KCNMB2: variants seen among roughly 807,000 people sequenced by gnomAD.
The protein encoded by KCNMB2 is calcium-activated potassium channel subunit beta-2.
KCNMB2 carries 9 observed loss-of-function variants against 24.5 expected under a neutral mutation model. The observed-to-expected ratio is 0.37, with a 90% CI of 0.22 to 0.64. KCNMB2 has a LOEUF of 0.64. Ranked by LOEUF, KCNMB2 falls within the 30% of genes least tolerant of loss-of-function variation. KCNMB2 has a pLI of 0.63. For missense variants in KCNMB2, 226 were observed against 284.3 expected (o/e 0.79, Z 1.47); for synonymous variants, 109 against 104.4 (o/e 1.04, Z -0.27).
chr3:178,580,058 CA>C (rs1205417207), intron 1 of KCNMB2, among the ~76,000 whole-genome samples: 2 of 151,974 alleles, frequency 1.3e-5, no homozygotes, highest in African/African-American at 4.8e-5. Context: ...CTGGCAGACA[CA>C]AAACAAAAAA....
chr3:178,620,619 T>C (rs1284810910), intron 1 of KCNMB2, among the ~76,000 whole-genome samples: 1 of 152,186 alleles, frequency 6.6e-6, no homozygotes, highest in South Asian at 2.1e-4. Context: ...TAAGCACTCA[T>C]GACCTAACCA....
At chr3:178,779,435 C>T (rs34941668) in intron 1 of KCNMB2, among the ~76,000 whole-genome samples, 46,096 of 152,008 alleles carry the variant, frequency 0.3, 7,117 homozygotes, top group African/African-American at 0.32. Context: ...AGGTAAAAAT[C>T]AACAAGAACA....
rs115599216 is a variant in KCNMB2, at chr3:178,737,000, C to T, written c.-67-70343C>T. On this transcript the variant is annotated intron_variant, in intron 1 of 4. Coordinates refer to ENST00000452583, the MANE Select transcript of KCNMB2 (RefSeq NM_181361.3). ...CAATAGCATTATGGGCCAGACACAG[C>T]GGCTCATGCCTGTAATCCCAACACT... Among the ~76,000 whole-genome samples, 398 of 152,242 alleles carry T rather than the reference C, an allele frequency of 2.6e-3. 3 individuals carry two copies. Among genetic ancestry groups the T allele is most frequent in the African/African-American group, 9.2e-3 (381 of 41,528 alleles).
chr3:178,737,768 T>G (rs986627437), intron 1 of KCNMB2, among the ~76,000 whole-genome samples: 1 of 152,226 alleles, frequency 6.6e-6, no homozygotes, highest in Non-Finnish European at 1.5e-5. Context: ...AAATGTAAGT[T>G]GAGGGTAATA....
chr3:178,702,390 C>T lies in KCNMB2; in HGVS notation c.-67-104953C>T, dbSNP rs28438056. Reference sequence around the variant, plus strand: ...GGCACATGTATACATATGTAACAAACCTGCATTTTGTGCACATGTACCCTA... The same window carrying T: ...GGCACATGTATACATATGTAACAAATCTGCATTTTGTGCACATGTACCCTA... On this transcript the variant is annotated intron_variant, in intron 1 of 4. Coordinates refer to ENST00000452583, the MANE Select transcript of KCNMB2 (RefSeq NM_181361.3). 6.9e-3 allele frequency among the ~76,000 whole-genome samples: 1,038 copies of T among 151,066 alleles called. 12 individuals are homozygous for T. Among genetic ancestry groups the T allele is most frequent in the African/African-American group, 0.024 (974 of 41,190 alleles).
intron 1 of KCNMB2, among the ~76,000 whole-genome samples, chr3:178,553,228 C>G (rs902537772): frequency 1.1e-4 from 16 of 152,160 alleles, no homozygotes; most frequent in African/African-American, 3.6e-4. Flanking sequence ...AGGAAGGAAA[C>G]AGATTTCCCT....
At chr3:178,555,387 T>G (rs561133346) in intron 1 of KCNMB2, among the ~76,000 whole-genome samples, 1 of 152,348 alleles carries the variant, frequency 6.6e-6, no homozygotes, top group Non-Finnish European at 1.5e-5. Flanking sequence ...CCTTGTCCTC[T>G]CATTACTAGC....
intron 1 of KCNMB2, among the ~76,000 whole-genome samples, chr3:178,561,374 C>A (rs1427362084): frequency 6.6e-6 from 1 of 152,096 alleles, no homozygotes; most frequent in Non-Finnish European, 1.5e-5. Flanking sequence ...GAGAAATAGG[C>A]CATTTTGTTT....
chr3:178,537,826 G>A (rs1715460282), intron 1 of KCNMB2, among the ~76,000 whole-genome samples: 1 of 152,174 alleles, frequency 6.6e-6, no homozygotes, highest in Non-Finnish European at 1.5e-5. Flanking sequence ...GAGCTGTAAA[G>A]ATGTTGCTTT....
Position 178,807,533 on chromosome 3 carries a change from C to T in KCNMB2, c.56+68C>T. 2.2e-6 allele frequency: 3 copies of T among 1,349,562 alleles called. No homozygotes were observed. In the East Asian group the frequency reaches 6.9e-5, roughly 31 times the overall value. 83.6% of individuals were successfully genotyped at this position (1,349,562 alleles called of 1,614,324 possible). A position where few individuals can be genotyped will look rare whatever the true frequency, so the allele number is the denominator to read the frequency against. ...CCTGACTCTCCAAAGAGGATACTGA[C>T]AGGAAAGTAGTAGGCAACTGAGCCT... On this transcript the variant is annotated intron_variant, in intron 2 of 4. Transcript: ENST00000452583.
At chr3:178,553,559 T>C (rs1196942179) in intron 1 of KCNMB2, among the ~76,000 whole-genome samples, 1 of 149,692 alleles carries the variant, frequency 6.7e-6, no homozygotes, top group African/African-American at 2.5e-5. Flanking sequence ...TTTTTGACAG[T>C]CTCCCTCTGT....
chr3:178,539,877 C>A (rs1715559913), intron 1 of KCNMB2, among the ~76,000 whole-genome samples: 1 of 152,088 alleles, frequency 6.6e-6, no homozygotes, highest in Admixed American at 6.6e-5. Context: ...CATGGATCAA[C>A]TATAAATTTC....
At chr3:178,561,814 GA>G (rs1315140435) in intron 1 of KCNMB2, among the ~76,000 whole-genome samples, 1 of 152,098 alleles carries the variant, frequency 6.6e-6, no homozygotes, top group Non-Finnish European at 1.5e-5. Flanking sequence ...ATAAGACTAA[GA>G]AAAGGAAAAA....
chr3:178,724,383 C>T (rs1036128935), intron 1 of KCNMB2, among the ~76,000 whole-genome samples: 2 of 151,928 alleles, frequency 1.3e-5, no homozygotes, highest in Non-Finnish European at 1.5e-5. Context: ...GTTTAAATTC[C>T]TTATAGAATC....
intron 2 of KCNMB2, among the ~76,000 whole-genome samples, chr3:178,811,179 T>C (rs753226201): frequency 1.1e-4 from 17 of 152,210 alleles, no homozygotes; most frequent in Admixed American, 9.8e-4. Flanking sequence ...TTTTTAAATA[T>C]TGAAGTGATA....
At chr3:178,831,664 C>T (rs1715062406) in intron 4 of KCNMB2, among the ~76,000 whole-genome samples, 1 of 152,040 alleles carries the variant, frequency 6.6e-6, no homozygotes, top group Non-Finnish European at 1.5e-5. Context: ...AACCAAATAC[C>T]ACATATTCTC....
chr3:178,758,433 T>G (rs1352424217), intron 1 of KCNMB2, among the ~76,000 whole-genome samples: 1 of 78,530 alleles, frequency 1.3e-5, no homozygotes, highest in South Asian at 4.4e-4. Flanking sequence ...AGGGGATATA[T>G]ATATATATAC....
intron 1 of KCNMB2, among the ~76,000 whole-genome samples, chr3:178,769,204 T>C (rs1394512955): frequency 6.6e-6 from 1 of 152,236 alleles, no homozygotes; most frequent in African/African-American, 2.4e-5. Flanking sequence ...CTGGAACCAT[T>C]TGATGTTTTG....
At chr3:178,836,801 C>T (rs746198637) in intron 4 of KCNMB2, among the ~76,000 whole-genome samples, 18 of 151,966 alleles carry the variant, frequency 1.2e-4, no homozygotes, top group East Asian at 7.7e-4. Flanking sequence ...CCACACCTCC[C>T]ACCAAAAAAG....
Sources: gnomAD v4.1 joint callset for allele counts (sites outside exome capture counted in the v4.1 genomes callset) on GRCh38, gnomAD v4.1.1 for gene constraint, MANE v1.5 for transcripts, NCBI Gene and HGNC (gene_info 2026-07-23, HGNC 2026-07-21) for gene names.